The following MALRD1 variants were observed in gnomAD, a reference collection of about 807,000 sequenced individuals.
The protein encoded by MALRD1 is MAM and LDL receptor class A domain containing 1.
Under a neutral mutation model 242.1 loss-of-function variants are expected in MALRD1, and 247 were observed. The ratio of observed to expected loss-of-function variants is 1.02; its 90% confidence interval spans 0.92 to 1.13. MALRD1 has a LOEUF of 1.13. MALRD1 is among the 50% of genes most tolerant of loss of function. The pLI, the probability that MALRD1 is intolerant of heterozygous loss-of-function variation, is 0.00. For missense variants in MALRD1, 2,989 were observed against 2,533.1 expected (o/e 1.18, Z -3.86); for synonymous variants, 995 against 866.6 (o/e 1.15, Z -2.60).
At position 19,242,853 on chromosome 10, in the gene MALRD1, G is replaced by T. The variant is rs147849048; in HGVS notation, c.2992-14831G>T. Among the ~76,000 whole-genome samples the T allele has an allele frequency of 2.0e-5, 3 of 152,080 alleles. No homozygotes were observed. In the East Asian group the frequency reaches 5.8e-4, roughly 29 times the overall value. On this transcript the variant is annotated intron_variant, in intron 18 of 39. Transcript: ENST00000454679. ...TAAGTATCATGTAGGCAGCATATAG[G>T]TGGGTTTTGCTATCTGAATCCATTC...
intron 29 of MALRD1, among the ~76,000 whole-genome samples, chr10:19,459,160 A>T (rs1449216078): frequency 1.3e-5 from 2 of 152,136 alleles, no homozygotes; most frequent in Non-Finnish European, 2.9e-5. Flanking sequence ...CAAGCTATCA[A>T]TCCTTTGCAG....
In MALRD1 at chr10:19,347,811, T is replaced by A; in HGVS notation, c.3942T>A (p.Cys1314Ter). ...GCTGTGATTTCGAATTTGATCTTTG[T>A]TCCTGGAAGCAGGAGAAAGATGAGG... ...SGRCDFEFDL[C>*]SWKQEKDEDF... The change falls in exon 25 of 40, where the codon TGT becomes TGA. Residue 1314 changes from cysteine (C) to a stop codon, truncating the protein, a stop_gained. Transcript: ENST00000454679. LOFTEE classifies it high-confidence loss of function. The A allele has an allele frequency of 6.4e-7, 1 of 1,550,544 alleles. No individual in the cohort carries two copies. The highest frequency in any genetic ancestry group is 2.4e-5 in the East Asian group (1 of 40,908).
At chr10:19,094,361 GCGTC>G (rs1374746607) in intron 4 of MALRD1, among the ~76,000 whole-genome samples, 1 of 127,936 alleles carries the variant, frequency 7.8e-6, no homozygotes, top group African/African-American at 3.2e-5. Flanking sequence ...TTTTCCAGGT[GCGTC>G]CGTCACCCCT....
At chr10:19,446,524 A>G (rs920474799) in intron 28 of MALRD1, among the ~76,000 whole-genome samples, 1 of 152,226 alleles carries the variant, frequency 6.6e-6, no homozygotes, top group Non-Finnish European at 1.5e-5. Flanking sequence ...AGATCTGTCT[A>G]TTAATATGTT....
At chr10:19,510,609 T>C (rs1487147057) in intron 31 of MALRD1, among the ~76,000 whole-genome samples, 6 of 152,076 alleles carry the variant, frequency 3.9e-5, no homozygotes, top group Non-Finnish European at 4.4e-5. Context: ...ACACAGCACA[T>C]GTTTCTGCGA....
intron 29 of MALRD1, among the ~76,000 whole-genome samples, chr10:19,451,560 C>G (rs751265513): frequency 3.9e-5 from 6 of 152,088 alleles, no homozygotes; most frequent in Non-Finnish European, 7.4e-5. Flanking sequence ...AAAGATATGC[C>G]TTCTGTGGTT....
At chr10:19,426,073 G>A (rs1219656953) in intron 28 of MALRD1, among the ~76,000 whole-genome samples, 1 of 152,058 alleles carries the variant, frequency 6.6e-6, no homozygotes, top group Non-Finnish European at 1.5e-5. Flanking sequence ...ATTTTTAACA[G>A]TCTTATTAAT....
intron 2 of MALRD1, among the ~76,000 whole-genome samples, chr10:19,071,692 A>G (rs898152098): frequency 4.6e-5 from 7 of 152,136 alleles, no homozygotes; most frequent in African/African-American, 1.4e-4. Flanking sequence ...AAACTGAGCC[A>G]TAATCCATTC....
At chr10:19,402,822 C>T (rs943897761) in intron 28 of MALRD1, among the ~76,000 whole-genome samples, 10 of 152,066 alleles carry the variant, frequency 6.6e-5, no homozygotes, top group African/African-American at 9.7e-5. Context: ...ATCCTTCCCC[C>T]ACCAAACACA....
rs375518709 is a variant in MALRD1 at position 19,293,753 on chromosome 10, T to TGAGGGTG, written c.3419+10581_3419+10587dup. Among the ~76,000 whole-genome samples the TGAGGGTG allele has an allele frequency of 8.0e-3, 1,213 of 152,198 alleles. 13 individuals are homozygous for TGAGGGTG. The highest frequency in any genetic ancestry group is 0.012 in the Non-Finnish European group (846 of 67,994). The stretch of plus-strand genomic sequence containing the variant: ...GGAACAACAAACACTGTGACCTATT[T>TGAGGGTG]GAGGGTGGAGGGTGGGAGGAGGAAG... On this transcript the variant is annotated intron_variant, in intron 21 of 39. Transcript: ENST00000454679.
At chr10:19,239,665 T>A (rs1838669668) in intron 18 of MALRD1, among the ~76,000 whole-genome samples, 1 of 152,204 alleles carries the variant, frequency 6.6e-6, no homozygotes, top group South Asian at 2.1e-4. Context: ...ACATTTGAGT[T>A]GATTTTTGTA....
intron 24 of MALRD1, among the ~76,000 whole-genome samples, chr10:19,333,013 G>A (rs1843452262): frequency 1.3e-5 from 2 of 151,888 alleles, no homozygotes; most frequent in South Asian, 2.1e-4. Flanking sequence ...CCCTCCCCTA[G>A]CCCCCTACCC....
At chr10:19,243,068 T>TG (rs1838863601) in intron 18 of MALRD1, among the ~76,000 whole-genome samples, 1 of 142,376 alleles carries the variant, frequency 7.0e-6, no homozygotes, top group Admixed American at 7.6e-5. Flanking sequence ...TTTCCCTTTT[T>TG]TTTTTTTGTG....
chr10:19,575,187 A>C (rs1836746030), intron 33 of MALRD1, among the ~76,000 whole-genome samples: 1 of 152,212 alleles, frequency 6.6e-6, no homozygotes, highest in Non-Finnish European at 1.5e-5. Context: ...TGGCAAATGC[A>C]ATACTCATGG....
In MALRD1 at chr10:19,576,101, A is replaced by G. The variant is rs1287141272; in HGVS notation, c.5680+8398A>G. ...GAAGTAAGGCTAAGAACCCAAACCA[A>G]GGACATGAGCAGGAAGCAAGTGAGG... On this transcript the variant is annotated intron_variant, in intron 33 of 39. Transcript: ENST00000454679. 2.6e-5 allele frequency among the ~76,000 whole-genome samples: 4 copies of G among 152,226 alleles called. No individual in the cohort carries two copies. The East Asian group carries it at 7.7e-4, about 29-fold the overall frequency.
intron 29 of MALRD1, among the ~76,000 whole-genome samples, chr10:19,459,513 A>G (rs959595644): frequency 1.3e-5 from 2 of 152,098 alleles, no homozygotes; most frequent in African/African-American, 4.8e-5. Flanking sequence ...TTCTTATAAA[A>G]TCAGGGACTA....
At chr10:19,678,587 T>G (rs1348193115) in intron 36 of MALRD1, among the ~76,000 whole-genome samples, 3 of 152,208 alleles carry the variant, frequency 2.0e-5, no homozygotes, top group African/African-American at 7.2e-5. Context: ...GATAGGGTTT[T>G]ATAGATATAG....
chr10:19,229,945 G>C (rs910423525), intron 18 of MALRD1, among the ~76,000 whole-genome samples: 3 of 152,148 alleles, frequency 2.0e-5, no homozygotes, highest in African/African-American at 7.2e-5. Context: ...TTCACATGTT[G>C]TGGGAGGGAC....
Position 19,608,679 on chromosome 10 carries a change from C to G in MALRD1, c.6070+777C>G, listed in dbSNP as rs766454806. Among the ~76,000 whole-genome samples, 42 of 152,016 alleles carry G rather than the reference C, an allele frequency of 2.8e-4. 1 individual carries two copies. Among genetic ancestry groups the G allele is most frequent in the Non-Finnish European group, 3.8e-4 (26 of 67,966 alleles). ...AACTAGTTAAGAAAATACTCTGTAT[C>G]TTTCAAGAGAGGAAAATATTATGAG... is the stretch of plus-strand genomic sequence containing the variant. On this transcript the variant is annotated intron_variant, in intron 35 of 39. Transcript: ENST00000454679.
Sources: allele counts gnomAD v4.1 joint callset (sites outside exome capture counted in the v4.1 genomes callset), GRCh38; gene constraint gnomAD v4.1.1; transcripts MANE v1.5; gene names NCBI Gene and HGNC (gene_info 2026-07-23, HGNC 2026-07-21).